ELF4: variants seen among roughly 807,000 people sequenced by gnomAD.
The protein encoded by ELF4 is ETS-related transcription factor Elf-4.
ELF4 carries 10 observed loss-of-function variants against 31.7 expected under a neutral mutation model. The ratio of observed to expected loss-of-function variants is 0.32; its 90% CI spans 0.19 to 0.54. ELF4 has a LOEUF of 0.54. ELF4 is among the 20% of genes least tolerant of loss of function. The pLI, the probability that ELF4 is intolerant of heterozygous loss-of-function variation, is 0.95. For missense variants in ELF4, 418 were observed against 522.0 expected, an observed-to-expected ratio of 0.80 and a Z score of 1.94; for synonymous variants, 208 against 226.7, an observed-to-expected ratio of 0.92 and a Z score of 0.74.
chrX:130,069,716 A>G (rs746823168), intron 7 of ELF4, 39 bp from the exon 8 acceptor site: 2 of 1,206,990 alleles, frequency 1.7e-6, no homozygotes. Context: ...GTTAGCCGGG[A>G]GCTGGGTGGG....
intron 1 of ELF4, among the ~76,000 whole-genome samples, chrX:130,085,960 A>G (rs1932954071): frequency 8.9e-6 from 1 of 111,954 alleles, no homozygotes; most frequent in Non-Finnish European, 1.9e-5. Context: ...GCGTGGATTT[A>G]AGAGACAGAA....
upstream of ELF4, chrX:130,110,779 G>C (rs1168583461): frequency 1.9e-5 from 2 of 105,655 alleles, no homozygotes; most frequent in Admixed American, 9.9e-5. Context: ...CGCGGGGAGC[G>C]GGGCGGACGC....
intron 1 of ELF4, among the ~76,000 whole-genome samples, chrX:130,082,543 G>A (rs1403649531): frequency 9.0e-6 from 1 of 111,580 alleles, no homozygotes; most frequent in South Asian, 3.8e-4. Context: ...TGTGTCTGCC[G>A]CAGCCCAAAC....
chrX:130,091,230 C>T (rs1024882121), intron 1 of ELF4, among the ~76,000 whole-genome samples: 1 of 110,659 alleles, frequency 9.0e-6, no homozygotes, highest in Non-Finnish European at 1.9e-5. Context: ...AGTTTGAGAC[C>T]AGCCTGGCCA....
chrX:130,078,632 C>T (rs1030203714), intron 2 of ELF4, among the ~76,000 whole-genome samples: 2 of 110,799 alleles, frequency 1.8e-5, no homozygotes, highest in Admixed American at 1.9e-4. Context: ...TGATGCACGC[C>T]TGTAATCCCA....
At chrX:130,082,166 T>C (rs1932895708) in intron 1 of ELF4, among the ~76,000 whole-genome samples, 1 of 111,007 alleles carries the variant, frequency 9.0e-6, no homozygotes, top group African/African-American at 3.3e-5. Flanking sequence ...GTGGGGGTGG[T>C]CACACCCATG....
At chrX:130,101,314 G>A (rs1426759907) in intron 1 of ELF4, among the ~76,000 whole-genome samples, 2 of 112,385 alleles carry the variant, frequency 1.8e-5, no homozygotes, top group East Asian at 5.5e-4. Context: ...GATGTATGAG[G>A]CAGATAGTCA....
chrX:130,094,109 G>A (rs887408573), intron 1 of ELF4, among the ~76,000 whole-genome samples: 2 of 111,835 alleles, frequency 1.8e-5, no homozygotes, highest in Non-Finnish European at 3.8e-5. Context: ...GCTCACGCCT[G>A]TAATCTCAGA....
chrX:130,067,663 A>G (rs1239445508), intron 8 of ELF4, 138 bp from the exon 9 acceptor site: 11 of 650,753 alleles, frequency 1.7e-5, no homozygotes, highest in Non-Finnish European at 2.6e-5. Context: ...TTTTCTAGAG[A>G]CAGGGTCTCA....
intron 8 of ELF4, among the ~76,000 whole-genome samples, chrX:130,067,778 A>G (rs1932720758): frequency 9.0e-6 from 1 of 111,050 alleles, no homozygotes; most frequent in African/African-American, 3.3e-5. Context: ...AGTAGCTGGG[A>G]CTACAGGTGT....
chrX:130,106,561 G>A (rs1041084312), intron 1 of ELF4, among the ~76,000 whole-genome samples: 2 of 111,393 alleles, frequency 1.8e-5, no homozygotes, highest in African/African-American at 3.3e-5. Flanking sequence ...GAGGCTCAGC[G>A]GCCAGAGATT....
At chrX:130,073,530 A>T (rs1197936204) in intron 4 of ELF4, among the ~76,000 whole-genome samples, 1 of 109,494 alleles carries the variant, frequency 9.1e-6, no homozygotes, top group African/African-American at 3.3e-5. Context: ...TATTTTTTTG[A>T]GACAGAGGTT....
chrX:130,068,167 A>AATG (rs747856578), intron 8 of ELF4, among the ~76,000 whole-genome samples: 1 of 112,206 alleles, frequency 8.9e-6, no homozygotes. Flanking sequence ...GATCATTCTA[A>AATG]ATGATTGACA....
chrX:130,078,051 T>A (rs74583743), intron 2 of ELF4, among the ~76,000 whole-genome samples: 1 of 101,988 alleles, frequency 9.8e-6, no homozygotes, highest in African/African-American at 3.6e-5. Context: ...TTTTCTTTTC[T>A]TTTTTTTTTT....
rs753862490 is a variant in ELF4, at chrX:130,067,227, G to A, written c.1486C>T (p.Pro496Ser). Residue 496 changes from proline to serine, a missense_variant, in exon 9 of 9, where the codon CCG becomes TCG. By Grantham distance (74) the Pro-to-Ser change is moderately conservative. This residue lies in a region of ELF4 where 260 missense variants were observed against 269.2 expected (regional missense o/e 0.97). Coordinates refer to ENST00000308167, the MANE Select transcript of ELF4 (RefSeq NM_001421.4). ...ACCGTGGGTGGCGCCGGGTTGGTCG[G>A]ACGGTTGGCCCCAGCCAGAAGTTGG... ...LPQLLAGANR[P>S]TNPAPPTVTG... 4.1e-6 allele frequency: 5 copies of A among 1,210,553 alleles called. No individual in the cohort carries two copies. Among genetic ancestry groups the A allele is most frequent in the Non-Finnish European group, 5.6e-6 (5 of 895,088 alleles).
At chrX:130,075,452 AT>A in intron 2 of ELF4, among the ~76,000 whole-genome samples, 1 of 108,406 alleles carries the variant, frequency 9.2e-6, no homozygotes, top group African/African-American at 3.4e-5. Context: ...AATTTTTTGT[AT>A]TTTTAGTAGA....
intron 3 of ELF4, 107 bp downstream of exon 3, chrX:130,074,474 A>G: frequency 9.4e-7 from 1 of 1,067,443 alleles, no homozygotes; most frequent in Non-Finnish European, 1.3e-6. Context: ...TGGCTGGTGG[A>G]CTTGCCCATT....
At chrX:130,100,461 G>T (rs908060777) in intron 1 of ELF4, among the ~76,000 whole-genome samples, 3 of 7,560 alleles carry the variant, frequency 4.0e-4, no homozygotes, top group African/African-American at 2.0e-3. Context: ...ACTTAAGCCT[G>T]GGCTTGAAGC....
At chrX:130,090,246 T>C (rs2124627610) in intron 1 of ELF4, among the ~76,000 whole-genome samples, 1 of 110,208 alleles carries the variant, frequency 9.1e-6, no homozygotes, top group South Asian at 3.9e-4. Context: ...GGTGGCGCCC[T>C]CCTGTAGTCC....
Sources: gnomAD v4.1 joint callset for allele counts (sites outside exome capture counted in the v4.1 genomes callset) on GRCh38, gnomAD v4.1.1 for gene constraint, gnomAD v4.1.1 regional missense constraint, MANE v1.5 for transcripts, NCBI Gene and HGNC (gene_info 2026-07-23, HGNC 2026-07-21) for gene names.